The following KAZN variants were observed in gnomAD, a reference collection of about 807,000 sequenced individuals.
The protein encoded by KAZN is kazrin, periplakin interacting protein.
In KAZN, 40 loss-of-function variants were observed where a neutral mutation model predicts 87.4. That is an observed-to-expected ratio of 0.46 (90% confidence interval 0.36 to 0.60). The LOEUF is 0.60. Ranked by LOEUF, KAZN falls within the 20% of genes least tolerant of loss-of-function variation. KAZN has a pLI of 0.00. For missense variants in KAZN, 898 were observed against 1,073.9 expected, an observed-to-expected ratio of 0.84 and a Z score of 2.29; for synonymous variants, 466 against 458.3, an observed-to-expected ratio of 1.02 and a Z score of -0.22.
chr1:14,487,965 A>G (rs543056139), intron 2 of KAZN, among the ~76,000 whole-genome samples: 3 of 152,344 alleles, frequency 2.0e-5, no homozygotes, highest in Admixed American at 6.5e-5. Flanking sequence ...AGGAGGTCAC[A>G]TGGGCCACTG....
At chr1:14,041,354 A>G (rs1641832750) in intron 1 of KAZN, among the ~76,000 whole-genome samples, 1 of 152,150 alleles carries the variant, frequency 6.6e-6, no homozygotes, top group Non-Finnish European at 1.5e-5. Flanking sequence ...TACTATGATT[A>G]TACCTTTATG....
chr1:15,021,292 C>T lies in KAZN; in HGVS notation c.419-13457C>T, dbSNP rs1362246902. ...CACACAAGCCTTTAAAAATAGTCCT[C>T]GTTGTGTGGGGCATGGGGCCTGAGG... On this transcript the variant is annotated intron_variant, in intron 2 of 14. Coordinates refer to ENST00000376030, the MANE Select transcript of KAZN (RefSeq NM_201628.3). The surrounding 1 kb of genome is among the most constrained non-coding windows in gnomAD (Gnocchi z 4.2). Among the ~76,000 whole-genome samples the T allele has an allele frequency of 6.6e-6, 1 of 152,176 alleles. No individual in the cohort carries two copies. The highest frequency in any genetic ancestry group is 1.9e-4 in the East Asian group (1 of 5,188).
chr1:13,946,568 A>G (rs1641153128), intron 1 of KAZN, among the ~76,000 whole-genome samples: 1 of 152,188 alleles, frequency 6.6e-6, no homozygotes, highest in Non-Finnish European at 1.5e-5. Context: ...AAAATTCCCT[A>G]TGACATTGTT....
rs182607074 is a variant in KAZN at position 14,115,821 on chromosome 1, C to T, written c.92-64614C>T. Among the ~76,000 whole-genome samples, 114 of 152,184 alleles carry T rather than the reference C, an allele frequency of 7.5e-4. 1 individual carries two copies. The highest frequency in any genetic ancestry group is 2.5e-4 in the Non-Finnish European group (17 of 68,018). On this transcript the variant is annotated intron_variant, in intron 1 of 16. Coordinates refer to the KAZN transcript ENST00000636203. ...ATAGCTTTGCCCAAAATGCTGATAG[C>T]GATACGGACAATAAAGTCCAGGCTG...
At chr1:14,152,327 G>A (rs938866686) in intron 1 of KAZN, among the ~76,000 whole-genome samples, 29 of 151,992 alleles carry the variant, frequency 1.9e-4, no homozygotes, top group African/African-American at 6.8e-4. Context: ...ACCTCCCCCT[G>A]ACCCTCCAAC....
chr1:14,396,102 A>T (rs1254447538), intron 2 of KAZN, among the ~76,000 whole-genome samples: 1 of 147,588 alleles, frequency 6.8e-6, no homozygotes, highest in African/African-American at 2.5e-5. Context: ...CGGGAGGCAA[A>T]GGTTGCAGTG....
intron 1 of KAZN, among the ~76,000 whole-genome samples, chr1:14,826,040 A>C (rs1391366940): frequency 6.6e-6 from 1 of 152,190 alleles, no homozygotes; most frequent in East Asian, 1.9e-4. Context: ...TCCACATAGC[A>C]AAGAAGGGGC....
At chr1:14,453,342 A>AT (rs1318739345) in intron 2 of KAZN, among the ~76,000 whole-genome samples, 1 of 152,156 alleles carries the variant, frequency 6.6e-6, no homozygotes, top group African/African-American at 2.4e-5. Context: ...ATTATAAGAG[A>AT]TTTTTTTAAA....
chr1:14,683,178 T>C (rs1311547548), intron 1 of KAZN, among the ~76,000 whole-genome samples: 15 of 151,926 alleles, frequency 9.9e-5, no homozygotes, highest in Non-Finnish European at 5.9e-5. Context: ...CTGCCAAGAG[T>C]CTCAGTGGTA....
At chr1:14,779,943 G>A (rs1645284302) in intron 1 of KAZN, among the ~76,000 whole-genome samples, 1 of 152,172 alleles carries the variant, frequency 6.6e-6, no homozygotes, top group African/African-American at 2.4e-5. Context: ...TGTACCTGGG[G>A]TTAATGATGA....
chr1:14,987,728 A>G (rs1347444454), intron 2 of KAZN, among the ~76,000 whole-genome samples: 2 of 152,158 alleles, frequency 1.3e-5, no homozygotes, highest in Non-Finnish European at 2.9e-5. Context: ...GTCCTGGGTA[A>G]GGAGTTTGGA....
At chr1:13,956,180 C>T (rs1036130538) in intron 1 of KAZN, among the ~76,000 whole-genome samples, 2 of 152,218 alleles carry the variant, frequency 1.3e-5, no homozygotes, top group African/African-American at 4.8e-5. Flanking sequence ...CCCTTGCTGG[C>T]ATTCCCTCTT....
chr1:15,074,984 G>A (rs980580005), intron 8 of KAZN, among the ~76,000 whole-genome samples: 2 of 152,136 alleles, frequency 1.3e-5, no homozygotes, highest in South Asian at 2.1e-4. Context: ...GCCTCTCGCC[G>A]GCCCTGTGAG....
intron 2 of KAZN, among the ~76,000 whole-genome samples, chr1:14,589,700 T>G (rs1676074378): frequency 6.6e-6 from 1 of 152,162 alleles, no homozygotes; most frequent in South Asian, 2.1e-4. Context: ...CCCTTTGCAA[T>G]AAATCATCAA....
intron 1 of KAZN, among the ~76,000 whole-genome samples, chr1:14,798,393 G>T (rs1384388018): frequency 7.2e-6 from 1 of 138,918 alleles, no homozygotes; most frequent in African/African-American, 2.7e-5. Context: ...GGTGATCTTT[G>T]CTTTCTTTTT....
intron 2 of KAZN, among the ~76,000 whole-genome samples, chr1:14,302,388 AAGT>A (rs1654616667): frequency 6.6e-6 from 1 of 152,208 alleles, no homozygotes; most frequent in Non-Finnish European, 1.5e-5. Context: ...GTGAACAGGC[AAGT>A]AGGTGTCTCA....
intron 2 of KAZN, among the ~76,000 whole-genome samples, chr1:14,474,157 C>A (rs2148376160): frequency 6.6e-6 from 1 of 152,198 alleles, no homozygotes; most frequent in East Asian, 1.9e-4. Flanking sequence ...TGAGAAATAA[C>A]CATTTATGAG....
chr1:14,063,459 G>A lies in KAZN; in HGVS notation c.92-116976G>A, dbSNP rs370101773. On this transcript the variant is annotated intron_variant, in intron 1 of 16. Transcript: ENST00000636203. ...GATCAAATATGTGAGCAAGAGAGGTGTTAAAGACCAGTGGGTGCCCAATTG... is the reference window on the plus strand; with the variant it reads ...GATCAAATATGTGAGCAAGAGAGGTATTAAAGACCAGTGGGTGCCCAATTG... 2.6e-5 allele frequency among the ~76,000 whole-genome samples: 4 copies of A among 152,318 alleles called. No individual in the cohort carries two copies. The East Asian group carries it at 7.7e-4, about 29-fold the overall frequency.
intron 1 of KAZN, among the ~76,000 whole-genome samples, chr1:14,960,439 G>A (rs1663702154): frequency 6.6e-6 from 1 of 152,218 alleles, no homozygotes; most frequent in African/African-American, 2.4e-5. Context: ...CAGGACAGCG[G>A]CAGTGGAGTC....
Sources: allele counts gnomAD v4.1 joint callset (sites outside exome capture counted in the v4.1 genomes callset), GRCh38; gene constraint gnomAD v4.1.1; non-coding constraint Gnocchi (gnomAD v3.1); transcripts MANE v1.5; gene names NCBI Gene and HGNC (gene_info 2026-07-23, HGNC 2026-07-21).